The following ARID4A variants were observed in gnomAD, a reference collection of about 807,000 sequenced individuals.
The protein encoded by ARID4A is AT-rich interactive domain-containing protein 4A.
ARID4A carries 39 observed loss-of-function variants against 148.6 expected under a neutral mutation model. That is an observed-to-expected ratio of 0.26 (90% CI 0.20 to 0.34). ARID4A has a LOEUF of 0.34. Ranked by LOEUF, ARID4A falls within the 10% of genes least tolerant of loss-of-function variation. The probability of loss-of-function intolerance (pLI) is 1.00; values close to 1 mark genes in which losing one functional copy is unlikely to be tolerated. For synonymous variants in ARID4A, 475 were observed against 481.2 expected (o/e 0.99, Z 0.17); for missense variants, 1,265 against 1,449.1 (o/e 0.87, Z 2.06).
At chr14:58,316,076 C>T (rs1445825893) in intron 5 of ARID4A, among the ~76,000 whole-genome samples, 2 of 152,154 alleles carry the variant, frequency 1.3e-5, no homozygotes, top group Admixed American at 6.5e-5. Flanking sequence ...TAAAGGTAAG[C>T]GTAGGATTTG....
chr14:58,325,116 G>T (rs1028107092), intron 8 of ARID4A, among the ~76,000 whole-genome samples: 2 of 152,110 alleles, frequency 1.3e-5, no homozygotes, highest in African/African-American at 4.8e-5. Flanking sequence ...ATACACAAGA[G>T]AATTATTTCA....
At position 58,351,164 on chromosome 14, in the gene ARID4A, A is replaced by C; in HGVS notation, c.1496A>C (p.Glu499Ala). The C allele has an allele frequency of 6.2e-7, 1 of 1,611,288 alleles. No homozygotes were observed. Among genetic ancestry groups the C allele is most frequent in the Non-Finnish European group, 8.5e-7 (1 of 1,179,372 alleles). ...GACAAATTAAAAGATAATGATACAG[A>C]AAATAAGGATGTAGATGATGACTAT... is the stretch of plus-strand genomic sequence containing the variant. The part of the protein sequence containing the change: ...TEDKLKDNDT[E>A]NKDVDDDYET... The change falls in exon 16 of 24, where the codon GAA (glutamate) becomes GCA (alanine). Residue 499 changes from glutamate to alanine, a missense_variant. Coordinates refer to ENST00000355431, the MANE Select transcript of ARID4A (RefSeq NM_002892.4).
chr14:58,342,095 G>A (rs759601922), intron 11 of ARID4A, among the ~76,000 whole-genome samples: 45 of 152,172 alleles, frequency 3.0e-4, no homozygotes, highest in African/African-American at 6.8e-4. Context: ...AATTGGAGGC[G>A]TTCTCTAGCA....
intron 15 of ARID4A, 150 bp downstream of exon 15, chr14:58,348,028 T>C (rs2034456095): frequency 5.2e-6 from 3 of 578,080 alleles, no homozygotes; most frequent in Non-Finnish European, 8.9e-6. Flanking sequence ...TTTCGAAATA[T>C]ATTGTATATT....
At chr14:58,322,170 A>G (rs1455493421) in intron 7 of ARID4A, among the ~76,000 whole-genome samples, 1 of 151,854 alleles carries the variant, frequency 6.6e-6, no homozygotes, top group East Asian at 1.9e-4. Flanking sequence ...GGGTTTTGTC[A>G]TACTTGCCAG....
At chr14:58,318,453 CTAAT>C (rs1345283420) in intron 5 of ARID4A, 85 bp from the exon 6 acceptor site, 16 of 1,238,994 alleles carry the variant, frequency 1.3e-5, no homozygotes, top group Middle Eastern at 1.9e-4. Flanking sequence ...ATATTAAGCT[CTAAT>C]TAATAGCAAT....
chr14:58,360,968 C>T lies in ARID4A; in HGVS notation c.2006C>T (p.Pro669Leu), dbSNP rs748952048. The T allele has an allele frequency of 1.2e-6, 2 of 1,614,054 alleles. No individual in the cohort carries two copies. The highest frequency in any genetic ancestry group is 3.3e-5 in the Admixed American group (2 of 60,004). The stretch of plus-strand genomic sequence containing the variant: ...AGGCAGAAGTCAAAACGGGGACGAC[C>T]TCCTTTAAAATCAACCCTCTCATCA... ...EERQKSKRGR[P>L]PLKSTLSSNM... Residue 669 changes from proline (P) to leucine (L), a missense_variant, in exon 19 of 24, where the codon CCT (proline) becomes CTT (leucine). Coordinates refer to ENST00000355431, the MANE Select transcript of ARID4A (RefSeq NM_002892.4).
At chr14:58,345,057 T>A (rs992092331) in intron 12 of ARID4A, among the ~76,000 whole-genome samples, 1 of 151,964 alleles carries the variant, frequency 6.6e-6, no homozygotes, top group Admixed American at 6.6e-5. Context: ...TTTTTCTATT[T>A]TTTGTAGAGA....
rs2035612584 is a variant in ARID4A, at chr14:58,371,496, G to C, written c.3671-390G>C. On this transcript the variant is annotated intron_variant, in intron 23 of 23. Coordinates refer to ENST00000355431, the MANE Select transcript of ARID4A (RefSeq NM_002892.4). ...ATACCTGTCAGAGGAAATCCTCTGA[G>C]TTAAATTAATTCTCTTACGGTCCTA... Among the ~76,000 whole-genome samples the C allele has an allele frequency of 2.0e-5, 3 of 152,128 alleles. No homozygotes were observed. In the South Asian group the frequency reaches 6.2e-4, roughly 32 times the overall value.
intron 5 of ARID4A, among the ~76,000 whole-genome samples, chr14:58,310,277 C>T (rs1353137996): frequency 6.7e-6 from 1 of 149,894 alleles, no homozygotes; most frequent in Non-Finnish European, 1.5e-5. Context: ...CTATAGTTAT[C>T]ACAGTTGATT....
intron 8 of ARID4A, 105 bp downstream of exon 8, chr14:58,323,722 G>A: frequency 1.0e-6 from 1 of 973,996 alleles, no homozygotes; most frequent in South Asian, 1.7e-5. Context: ...AACAAATTTG[G>A]ACTTTATTGG....
Position 58,351,269 on chromosome 14 carries a change from A to G in ARID4A, c.1601A>G (p.Lys534Arg). 3.1e-6 allele frequency: 5 copies of G among 1,610,932 alleles called. No individual in the cohort carries two copies. The South Asian group carries it at 5.6e-5, about 18-fold the overall frequency. ...TPKQKEKKIK[K>R]QEDSDKDSDE... ...AAGCAAAAAGAGAAGAAAATTAAAA[A>G]ACAGGAGGATTCTGACAAAGACTCA... is the stretch of plus-strand genomic sequence containing the variant. The change falls in exon 16 of 24, where the codon AAA becomes AGA. Residue 534 changes from lysine (K) to arginine (R), a missense_variant. This residue lies in a region of ARID4A where 205 missense variants were observed against 196.9 expected (regional missense o/e 1.04). Coordinates refer to ENST00000355431, the MANE Select transcript of ARID4A (RefSeq NM_002892.4).
At chr14:58,322,765 C>T (rs987295297) in intron 7 of ARID4A, among the ~76,000 whole-genome samples, 1 of 151,608 alleles carries the variant, frequency 6.6e-6, no homozygotes, top group Non-Finnish European at 1.5e-5. Flanking sequence ...AGTTCAAGAC[C>T]AGCCTGGCCA....
intron 1 of ARID4A, among the ~76,000 whole-genome samples, 158 bp downstream of exon 1, chr14:58,298,858 T>C (rs1159625378): frequency 6.6e-6 from 1 of 152,148 alleles, no homozygotes; most frequent in Non-Finnish European, 1.5e-5. Flanking sequence ...GGGCCAGCCA[T>C]TGACCAGCGG....
At position 58,360,221 on chromosome 14, in the gene ARID4A, G is replaced by T. The variant is rs58355760; in HGVS notation, c.1939-680G>T. 9.9e-3 allele frequency among the ~76,000 whole-genome samples: 1,507 copies of T among 152,234 alleles called. 27 individuals carry two copies. The highest frequency in any genetic ancestry group is 0.035 in the African/African-American group (1,458 of 41,522). ...CTTTCAAACTCAAATTCCTGTAGAG[G>T]CTTTATAGGAGAAGGATAAAGTAGG... On this transcript the variant is annotated intron_variant, in intron 18 of 23. Coordinates refer to ENST00000355431, the MANE Select transcript of ARID4A (RefSeq NM_002892.4).
In ARID4A at chr14:58,364,829, T is replaced by C; in HGVS notation, c.2740T>C (p.Leu914=). 6.2e-7 allele frequency: 1 copy of C among 1,614,118 alleles called. No homozygotes were observed. The highest frequency in any genetic ancestry group is 8.5e-7 in the Non-Finnish European group (1 of 1,180,026). ...FERENEGMPS[L]IAESNQCIQQ... ...AAGAGAAAATGAAGGAATGCCATCA[T>C]TGATAGCAGAGTCAAACCAATGCAT... Residue 914 remains leucine (L), a synonymous_variant, in exon 20 of 24, where the codon TTG becomes CTG. Coordinates refer to ENST00000355431, the MANE Select transcript of ARID4A (RefSeq NM_002892.4).
chr14:58,347,618 A>G, intron 14 of ARID4A, 29 bp from the exon 15 acceptor site: 1 of 1,482,794 alleles, frequency 6.7e-7, no homozygotes, highest in South Asian at 1.3e-5. Context: ...AGACTGTAAG[A>G]TTTCTTAAAT....
At chr14:58,341,131 G>T (rs957540928) in intron 11 of ARID4A, among the ~76,000 whole-genome samples, 1 of 151,916 alleles carries the variant, frequency 6.6e-6, no homozygotes, top group African/African-American at 2.4e-5. Flanking sequence ...TTCCATCCCA[G>T]CTGGCAGGAC....
intron 11 of ARID4A, among the ~76,000 whole-genome samples, chr14:58,342,855 A>C (rs1316466616): frequency 6.6e-6 from 1 of 152,102 alleles, no homozygotes; most frequent in Non-Finnish European, 1.5e-5. Context: ...AGAGGGTTGC[A>C]CTGAGCTGAG....
Sources: allele counts gnomAD v4.1 joint callset (sites outside exome capture counted in the v4.1 genomes callset), GRCh38; gene constraint gnomAD v4.1.1; regional missense constraint gnomAD v4.1.1; transcripts MANE v1.5; gene names NCBI Gene and HGNC (gene_info 2026-07-23, HGNC 2026-07-21).